Variants in AGBL4 observed in about 807,000 individuals in gnomAD.
The protein encoded by AGBL4 is AGBL carboxypeptidase 4.
In AGBL4, 58 loss-of-function variants were observed where a neutral mutation model predicts 66.4. The ratio of observed to expected loss-of-function variants is 0.87; its 90% confidence interval spans 0.71 to 1.09. The LOEUF (loss-of-function observed/expected upper bound fraction) is 1.09, where lower values mean the gene tolerates loss of function less well. Ranked by LOEUF, AGBL4 falls within the 50% of genes least tolerant of loss-of-function variation. The probability of loss-of-function intolerance (pLI) is 0.00; values close to 1 mark genes in which losing one functional copy is unlikely to be tolerated. For synonymous variants in AGBL4, 234 were observed against 222.9 expected, an observed-to-expected ratio of 1.05 and a Z score of -0.44; for missense variants, 579 against 631.0, an observed-to-expected ratio of 0.92 and a Z score of 0.88.
At chr1:49,274,919 G>C (rs553675659) in intron 3 of AGBL4, among the ~76,000 whole-genome samples, 7 of 152,170 alleles carry the variant, frequency 4.6e-5, no homozygotes, top group Non-Finnish European at 8.8e-5. Flanking sequence ...AAACTTTTTT[G>C]AACTATTTAG....
At chr1:49,878,672 A>T (rs1647107895) in intron 1 of AGBL4, among the ~76,000 whole-genome samples, 1 of 151,812 alleles carries the variant, frequency 6.6e-6, no homozygotes, top group Non-Finnish European at 1.5e-5. Flanking sequence ...GATGTCTATT[A>T]GGTCCACTTG....
intron 3 of AGBL4, among the ~76,000 whole-genome samples, chr1:49,523,984 C>A (rs915456221): frequency 6.6e-6 from 1 of 151,974 alleles, no homozygotes; most frequent in African/African-American, 2.4e-5. Flanking sequence ...TCATCATCAT[C>A]ATCATGAAGA....
chr1:49,763,718 G>T (rs1186255193), intron 2 of AGBL4, among the ~76,000 whole-genome samples: 1 of 152,156 alleles, frequency 6.6e-6, no homozygotes, highest in Non-Finnish European at 1.5e-5. Flanking sequence ...CTCCCCCAGG[G>T]CCTCCAGATG....
At chr1:49,051,070 C>A (rs961672055) in intron 4 of AGBL4, among the ~76,000 whole-genome samples, 4 of 151,956 alleles carry the variant, frequency 2.6e-5, no homozygotes, top group African/African-American at 9.7e-5. Context: ...TCCTCAGGAG[C>A]CTTGAAAGAC....
chr1:49,072,104 T>G (rs1644617530), intron 4 of AGBL4, among the ~76,000 whole-genome samples: 1 of 152,218 alleles, frequency 6.6e-6, no homozygotes, highest in Admixed American at 6.5e-5. Context: ...TGGTAGGTCT[T>G]CCTCCATCCC....
At chr1:48,895,506 G>A (rs781275575) in intron 5 of AGBL4, among the ~76,000 whole-genome samples, 3 of 152,232 alleles carry the variant, frequency 2.0e-5, no homozygotes, top group Non-Finnish European at 4.4e-5. Flanking sequence ...TTCTGGAATG[G>A]AAATCTTTCC....
intron 3 of AGBL4, among the ~76,000 whole-genome samples, chr1:49,570,155 C>CT (rs908046583): frequency 2.0e-5 from 3 of 151,920 alleles, no homozygotes; most frequent in South Asian, 2.1e-4. Context: ...ATGCTTCATA[C>CT]TTTTTTTTCC....
In AGBL4 at chr1:49,354,002, G is replaced by T. The variant is rs1308753991; in HGVS notation, c.283-108138C>A. Among the ~76,000 whole-genome samples, 3 of 152,096 alleles carry T rather than the reference G, an allele frequency of 2.0e-5. 1 individual carries two copies. The highest frequency in any genetic ancestry group is 7.2e-5 in the African/African-American group (3 of 41,404). On this transcript the variant is annotated intron_variant, in intron 3 of 13. Coordinates refer to ENST00000371839, the MANE Select transcript of AGBL4 (RefSeq NM_032785.4). Reference sequence around the variant, plus strand: ...TGATTCTTCCTGGATACAAAAAAAAGACCCAGGTACTAAGAGGGCAGGGTG... The same window carrying T: ...TGATTCTTCCTGGATACAAAAAAAATACCCAGGTACTAAGAGGGCAGGGTG...
chr1:49,545,900 A>C (rs1437973388), intron 3 of AGBL4, among the ~76,000 whole-genome samples: 1 of 152,152 alleles, frequency 6.6e-6, no homozygotes, highest in Admixed American at 6.5e-5. Flanking sequence ...TTTTTCCATA[A>C]GTTATGGGAG....
chr1:49,379,967 T>C (rs946960722), intron 3 of AGBL4, among the ~76,000 whole-genome samples: 5 of 152,214 alleles, frequency 3.3e-5, no homozygotes, highest in African/African-American at 9.6e-5. Context: ...CTCTCACCAC[T>C]CCTATTCAAC....
At chr1:49,331,917 T>C (rs775326775) in intron 3 of AGBL4, among the ~76,000 whole-genome samples, 1 of 152,132 alleles carries the variant, frequency 6.6e-6, no homozygotes, top group Non-Finnish European at 1.5e-5. Flanking sequence ...GATCTCTCCC[T>C]GGGAAGGAGT....
chr1:49,171,775 C>T (rs571220021), intron 4 of AGBL4, among the ~76,000 whole-genome samples: 8 of 152,246 alleles, frequency 5.3e-5, no homozygotes, highest in South Asian at 4.1e-4. Flanking sequence ...TCTGTGCCCA[C>T]GCCCTAATAT....
intron 1 of AGBL4, among the ~76,000 whole-genome samples, chr1:49,869,791 G>A (rs1473306120): frequency 6.6e-6 from 1 of 152,114 alleles, no homozygotes; most frequent in Non-Finnish European, 1.5e-5. Context: ...GATAAAGAGT[G>A]GATTGGTAGT....
intron 3 of AGBL4, among the ~76,000 whole-genome samples, chr1:49,481,923 A>G (rs146496675): frequency 5.3e-5 from 8 of 151,000 alleles, no homozygotes; most frequent in Admixed American, 3.3e-4. Context: ...GTGATGAATC[A>G]TGTTTACTGA....
At chr1:49,657,073 C>G (rs370904061) in intron 3 of AGBL4, among the ~76,000 whole-genome samples, 1,685 of 152,224 alleles carry the variant, frequency 0.011, 25 homozygotes, top group African/African-American at 0.038. Context: ...AATTGTCCCT[C>G]TTTGCAGATG....
At chr1:48,927,791 A>C (rs1654715795) in intron 5 of AGBL4, among the ~76,000 whole-genome samples, 1 of 152,198 alleles carries the variant, frequency 6.6e-6, no homozygotes, top group Admixed American at 6.5e-5. Context: ...TATAAGGCTC[A>C]ATGCTAGGAT....
chr1:49,132,918 T>C (rs1349630834), intron 4 of AGBL4, among the ~76,000 whole-genome samples: 1 of 152,236 alleles, frequency 6.6e-6, no homozygotes, highest in South Asian at 2.1e-4. Flanking sequence ...TAAATCATTC[T>C]ACTATAAAGA....
chr1:49,057,818 T>A (rs770694707), intron 4 of AGBL4, among the ~76,000 whole-genome samples: 11 of 152,176 alleles, frequency 7.2e-5, no homozygotes, highest in Admixed American at 2.0e-4. Context: ...TTTTGCTCAC[T>A]AGTGAATAAT....
chr1:49,388,320 A>T (rs1350393117), intron 3 of AGBL4, among the ~76,000 whole-genome samples: 3 of 152,114 alleles, frequency 2.0e-5, no homozygotes, highest in African/African-American at 7.2e-5. Context: ...AAAGCAGCCA[A>T]ATACACATAA....
Sources: gnomAD v4.1 joint callset for allele counts (sites outside exome capture counted in the v4.1 genomes callset) on GRCh38, gnomAD v4.1.1 for gene constraint, MANE v1.5 for transcripts, NCBI Gene and HGNC (gene_info 2026-07-23, HGNC 2026-07-21) for gene names.